Variants in MAML3 observed in about 807,000 individuals in gnomAD.
MAML3 encodes the protein mastermind-like protein 3.
In MAML3, 27 loss-of-function variants were observed where a neutral mutation model predicts 101.9. The observed-to-expected ratio is 0.27, with a 90% CI of 0.20 to 0.37. The LOEUF is 0.37. MAML3 is among the 10% of genes least tolerant of loss of function. The pLI is 1.00. For missense variants in MAML3, 1,316 were observed against 1,444.9 expected (o/e 0.91, Z 1.45); for synonymous variants, 501 against 555.9 (o/e 0.90, Z 1.39).
In MAML3 at chr4:139,945,378, A is replaced by G. The variant is rs1453817002; in HGVS notation, c.469-54411T>C. 4.6e-5 allele frequency among the ~76,000 whole-genome samples: 7 copies of G among 152,286 alleles called. No individual in the cohort carries two copies. The East Asian group carries it at 1.3e-3, about 29-fold the overall frequency. ...ATGACTGTCTAAAACTTTAAGAAAC[A>G]TTTTTTATTTTTATTTTTTTAAAAA... On this transcript the variant is annotated intron_variant, in intron 1 of 4. Coordinates refer to ENST00000509479, the MANE Select transcript of MAML3 (RefSeq NM_018717.5).
intron 1 of MAML3, among the ~76,000 whole-genome samples, chr4:140,139,051 C>T (rs1017212813): frequency 1.3e-5 from 2 of 151,804 alleles, no homozygotes; most frequent in African/African-American, 2.4e-5. Flanking sequence ...GCAGGAGGAT[C>T]GCTTAAAATC....
intron 2 of MAML3, among the ~76,000 whole-genome samples, chr4:139,732,143 T>G (rs1728750203): frequency 6.6e-6 from 1 of 152,236 alleles, no homozygotes; most frequent in Admixed American, 6.5e-5. Context: ...ATTTAAAAAT[T>G]TTTAAATCCA....
chr4:139,927,855 C>G (rs189587385), intron 1 of MAML3, among the ~76,000 whole-genome samples: 7 of 152,138 alleles, frequency 4.6e-5, no homozygotes, highest in Non-Finnish European at 1.5e-5. Context: ...TGTGTTTGCC[C>G]TGCCTGAACT....
chr4:139,924,180 T>G (rs1019773459), intron 1 of MAML3, among the ~76,000 whole-genome samples: 2 of 152,236 alleles, frequency 1.3e-5, no homozygotes, highest in Non-Finnish European at 2.9e-5. Flanking sequence ...GCTTCTATAA[T>G]GTCATTCTAA....
At chr4:140,017,743 T>C (rs1408795304) in intron 1 of MAML3, among the ~76,000 whole-genome samples, 1 of 137,582 alleles carries the variant, frequency 7.3e-6, no homozygotes, top group African/African-American at 2.6e-5. Flanking sequence ...ATGACAAAAT[T>C]ATAAAAATGA....
chr4:139,853,703 G>A (rs1726087009), intron 2 of MAML3, among the ~76,000 whole-genome samples: 1 of 152,128 alleles, frequency 6.6e-6, no homozygotes, highest in Non-Finnish European at 1.5e-5. Flanking sequence ...GTTAATGGGG[G>A]AAGAAACTTC....
intron 1 of MAML3, among the ~76,000 whole-genome samples, chr4:139,961,206 C>G (rs781444057): frequency 1.3e-5 from 2 of 152,176 alleles, no homozygotes; most frequent in Non-Finnish European, 2.9e-5. Flanking sequence ...GCCTGTTTCT[C>G]AAAGCTACTA....
chr4:139,749,616 C>T (rs1412704450), intron 2 of MAML3, among the ~76,000 whole-genome samples: 1 of 152,196 alleles, frequency 6.6e-6, no homozygotes, highest in Non-Finnish European at 1.5e-5. Flanking sequence ...CGTGAAAGGA[C>T]TTGACATGGA....
intron 1 of MAML3, among the ~76,000 whole-genome samples, chr4:139,994,627 T>C (rs1473601331): frequency 6.6e-6 from 1 of 152,168 alleles, no homozygotes; most frequent in East Asian, 1.9e-4. Flanking sequence ...GCCACTGCAC[T>C]CCAGCCTGGG....
chr4:139,888,258 G>T (rs1219548618), intron 2 of MAML3, among the ~76,000 whole-genome samples: 1 of 152,178 alleles, frequency 6.6e-6, no homozygotes, highest in African/African-American at 2.4e-5. Flanking sequence ...ATTTCCCAGT[G>T]CTTCTAAAGT....
At chr4:140,130,204 C>T (rs114579292) in intron 1 of MAML3, among the ~76,000 whole-genome samples, 2,469 of 152,184 alleles carry the variant, frequency 0.016, 31 homozygotes, top group South Asian at 0.032. Flanking sequence ...GCAGTTTATC[C>T]GTGCATCTCA....
intron 1 of MAML3, among the ~76,000 whole-genome samples, chr4:140,062,012 A>C (rs992743102): frequency 1.7e-4 from 26 of 152,286 alleles, no homozygotes; most frequent in African/African-American, 6.0e-4. Flanking sequence ...AAATACCTCC[A>C]AAAAACCATA....
intron 1 of MAML3, among the ~76,000 whole-genome samples, chr4:140,095,557 A>T (rs1728142593): frequency 6.6e-6 from 1 of 152,096 alleles, no homozygotes; most frequent in Admixed American, 6.6e-5. Flanking sequence ...TAGAGATAAG[A>T]CCACAGCCCT....
At chr4:139,744,521 G>C (rs1729262446) in intron 2 of MAML3, among the ~76,000 whole-genome samples, 2 of 152,184 alleles carry the variant, frequency 1.3e-5, no homozygotes, top group Admixed American at 1.3e-4. Flanking sequence ...ACCTCCCCCT[G>C]AAGTCTGAGC....
At chr4:140,013,229 G>A (rs148900870) in intron 1 of MAML3, among the ~76,000 whole-genome samples, 10 of 152,220 alleles carry the variant, frequency 6.6e-5, no homozygotes, top group Admixed American at 3.9e-4. Flanking sequence ...GGGCACGCAC[G>A]CATCTCAGTC....
At chr4:140,021,103 C>T (rs1357714287) in intron 1 of MAML3, among the ~76,000 whole-genome samples, 1 of 152,154 alleles carries the variant, frequency 6.6e-6, no homozygotes, top group South Asian at 2.1e-4. Context: ...GAAAAGAAGA[C>T]TGCTTCTCTT....
chr4:140,125,969 A>C lies in MAML3; in HGVS notation c.468+26891T>G, dbSNP rs532476192. ...ATTTTTGTATTTTTAGTAGAGACAG[A>C]GTTTCACCATGTTGGTCAGGCTGGT... On this transcript the variant is annotated intron_variant, in intron 1 of 4. Transcript: ENST00000509479. 1.6e-4 allele frequency among the ~76,000 whole-genome samples: 24 copies of C among 151,176 alleles called. No homozygotes were observed. The East Asian group carries it at 4.6e-3, about 29-fold the overall frequency.
At chr4:139,864,533 G>A (rs949173329) in intron 2 of MAML3, among the ~76,000 whole-genome samples, 1 of 151,988 alleles carries the variant, frequency 6.6e-6, no homozygotes, top group Non-Finnish European at 1.5e-5. Context: ...AAAATTAGCT[G>A]GGTGTGGTGG....
chr4:139,998,271 T>C (rs1052683722), intron 1 of MAML3, among the ~76,000 whole-genome samples: 6 of 152,230 alleles, frequency 3.9e-5, no homozygotes, highest in African/African-American at 1.2e-4. Flanking sequence ...TTGTTGAATA[T>C]GCTGTTGGAC....
Sources: allele counts gnomAD v4.1 joint callset (sites outside exome capture counted in the v4.1 genomes callset), GRCh38; gene constraint gnomAD v4.1.1; transcripts MANE v1.5; gene names NCBI Gene and HGNC (gene_info 2026-07-23, HGNC 2026-07-21).